Variants in NUP42 observed in about 807,000 individuals in gnomAD.
NUP42 encodes nucleoporin NUP42.
Under a neutral mutation model 35.9 loss-of-function variants are expected in NUP42, and 47 were observed. That is an observed-to-expected ratio of 1.31 (90% CI 1.04 to 1.67). NUP42 has a LOEUF of 1.67. Among genes scored for constraint, NUP42 ranks in the 40% most tolerant of loss-of-function variants. The pLI is 0.00. For synonymous variants in NUP42, 173 were observed against 173.3 expected, an observed-to-expected ratio of 1.00 and a Z score of 0.01; for missense variants, 514 against 492.2, an observed-to-expected ratio of 1.04 and a Z score of -0.42.
chr7:23,199,514 C>A lies in NUP42; in HGVS notation c.666C>A (p.Ser222Arg), dbSNP rs858238. The A allele has an allele frequency of 6.2e-7, 1 of 1,613,874 alleles. No homozygotes were observed. Among genetic ancestry groups the A allele is most frequent in the Non-Finnish European group, 8.5e-7 (1 of 1,179,926 alleles). ...CAGCACCTGCATTTGGATTTGGCAG[C>A]AGTCAAGCAGCAACATTTATGTCGC... ...NQAAPAFGFG[S>R]SQAATFMSPG... is the part of the protein sequence containing the mutation. Residue 222 changes from serine (S) to arginine (R), a missense_variant, in exon 6 of 7, where the codon AGC (serine) becomes AGA (arginine). Physicochemically the swap from Ser to Arg is moderately radical, Grantham distance 110 (BLOSUM62 -1). Transcript: ENST00000258742.
chr7:23,194,527 ATT>A (rs1785939947), intron 3 of NUP42: 1 of 152,482 alleles, frequency 6.6e-6, no homozygotes, highest in Admixed American at 6.6e-5. Context: ...CGCCGAGCTA[ATT>A]TTGGTATTTT....
intron 3 of NUP42, among the ~76,000 whole-genome samples, chr7:23,189,642 G>A (rs1468488451): frequency 6.6e-6 from 1 of 151,670 alleles, no homozygotes; most frequent in Non-Finnish European, 1.5e-5. Flanking sequence ...GCTGTGCACG[G>A]TGGCTCACAC....
intron 3 of NUP42, among the ~76,000 whole-genome samples, chr7:23,193,112 G>A (rs901325636): frequency 1.1e-4 from 17 of 151,784 alleles, no homozygotes; most frequent in African/African-American, 3.6e-4. Flanking sequence ...CAGTGGGTTC[G>A]TGGTCTCGCT....
chr7:23,193,995 C>G (rs909584269), intron 3 of NUP42, among the ~76,000 whole-genome samples: 1 of 152,238 alleles, frequency 6.6e-6, no homozygotes, highest in African/African-American at 2.4e-5. Context: ...TCTCATTGCC[C>G]GGCAGGGCCA....
chr7:23,199,409 G>C (rs757318718), intron 5 of NUP42, 49 bp from the exon 6 acceptor site: 1 of 1,409,980 alleles, frequency 7.1e-7, no homozygotes, highest in South Asian at 1.2e-5. Flanking sequence ...AAAGATACTG[G>C]AGCACTATTC....
intron 2 of NUP42, among the ~76,000 whole-genome samples, chr7:23,185,812 T>C (rs1384536877): frequency 6.6e-6 from 1 of 152,228 alleles, no homozygotes; most frequent in African/African-American, 2.4e-5. Context: ...CAATCTCGGC[T>C]CGCTGCAGCC....
intron 2 of NUP42, 23 bp from the exon 3 acceptor site, chr7:23,187,029 T>C: frequency 1.6e-6 from 2 of 1,274,548 alleles, no homozygotes; most frequent in African/African-American, 1.5e-5. Context: ...CCTTTACTCT[T>C]TTTTTTTTTT....
intron 3 of NUP42, among the ~76,000 whole-genome samples, chr7:23,191,997 T>A (rs1443913176): frequency 2.0e-5 from 3 of 152,124 alleles, no homozygotes; most frequent in African/African-American, 7.2e-5. Flanking sequence ...TTTAGAAAAC[T>A]TGGAAAGTAC....
intron 2 of NUP42, among the ~76,000 whole-genome samples, chr7:23,186,046 CTTAT>C (rs1392061047): frequency 6.6e-6 from 1 of 152,206 alleles, no homozygotes; most frequent in African/African-American, 2.4e-5. Context: ...AGCCACATAT[CTTAT>C]TTCTTTCTAA....
intron 1 of NUP42, among the ~76,000 whole-genome samples, chr7:23,183,678 G>A (rs1317147827): frequency 2.0e-5 from 3 of 149,168 alleles, no homozygotes; most frequent in Non-Finnish European, 1.5e-5. Context: ...AACAAAATTT[G>A]GCAGACAAAT....
intron 1 of NUP42, among the ~76,000 whole-genome samples, chr7:23,183,212 C>T (rs774464000): frequency 6.6e-5 from 10 of 152,078 alleles, no homozygotes; most frequent in Admixed American, 1.3e-4. Flanking sequence ...CCCTTCCTTC[C>T]CCTCCTTTAG....
In NUP42 at chr7:23,185,303, G is replaced by C; in HGVS notation, c.350+5G>C. 6.3e-7 allele frequency: 1 copy of C among 1,591,658 alleles called. No individual in the cohort carries two copies. Among genetic ancestry groups the C allele is most frequent in the Non-Finnish European group, 8.6e-7 (1 of 1,165,970 alleles). Reference sequence around the variant, plus strand: ...GAAAGATGAAAAGAAACTTCTGTAAGTGAAAGTTTTCAGGAAAATTACTAT... The same window carrying C: ...GAAAGATGAAAAGAAACTTCTGTAACTGAAAGTTTTCAGGAAAATTACTAT... On this transcript the variant is annotated splice_donor_5th_base_variant and intron_variant, in intron 2 of 6. Transcript: ENST00000258742.
At chr7:23,188,008 TTTTTA>T in intron 3 of NUP42, 2 of 1,050,920 alleles carry the variant, frequency 1.9e-6, no homozygotes, top group Non-Finnish European at 2.7e-6. Context: ...TTATTTTTTA[TTTTTA>T]TTTTTTTTTT....
intron 5 of NUP42, chr7:23,197,075 A>G: frequency 1.8e-6 from 1 of 544,970 alleles, no homozygotes. Flanking sequence ...ATCTGTATGT[A>G]AAAAGAAATT....
chr7:23,188,720 G>C (rs1182994608), intron 3 of NUP42: 1 of 265,902 alleles, frequency 3.8e-6, no homozygotes, highest in Non-Finnish European at 5.8e-6. Context: ...TATTTGCTAA[G>C]TCTGGCAACT....
chr7:23,199,289 C>G, intron 5 of NUP42, 169 bp from the exon 6 acceptor site: 1 of 567,968 alleles, frequency 1.8e-6, no homozygotes, highest in Non-Finnish European at 3.2e-6. Flanking sequence ...TAGGCTCAAG[C>G]CCTTCACCCT....
At chr7:23,196,070 T>A in intron 4 of NUP42, 155 bp downstream of exon 4, 1 of 384,104 alleles carries the variant, frequency 2.6e-6, no homozygotes, top group Non-Finnish European at 4.6e-6. Flanking sequence ...TCATTGAATT[T>A]GGTTGGTTAT....
Position 23,196,775 on chromosome 7 carries a change from G to C in NUP42, c.609+9G>C. 6.4e-7 allele frequency: 1 copy of C among 1,563,386 alleles called. No individual in the cohort carries two copies. Among genetic ancestry groups the C allele is most frequent in the Non-Finnish European group, 8.8e-7 (1 of 1,134,860 alleles). ...CAACTAAAGTAGCTTTGGTGAGTAT[G>C]GGAGAGTTTTCTTGAGGGAAGTGTC... On this transcript the variant is annotated intron_variant, in intron 5 of 6. Transcript: ENST00000258742.
rs1785426534 is a variant in NUP42, at chr7:23,182,160, T to C, written c.75T>C (p.Ala25=). The C allele has an allele frequency of 1.2e-6, 2 of 1,605,128 alleles. No homozygotes were observed. The highest frequency in any genetic ancestry group is 2.7e-5 in the African/African-American group (2 of 74,886). ...GDRCWNEHPG[A]RGAGGGRQQP... ...GGTGCTGGAACGAACATCCCGGTGC[T>C]AGGGGTGCAGGAGGAGGACGGCAGC... Residue 25 remains alanine (A), a synonymous_variant, in exon 1 of 7, where the codon GCT becomes GCC. Coordinates refer to ENST00000258742, the MANE Select transcript of NUP42 (RefSeq NM_007342.3).
Sources: gnomAD v4.1 joint callset for allele counts (sites outside exome capture counted in the v4.1 genomes callset) on GRCh38, gnomAD v4.1.1 for gene constraint, MANE v1.5 for transcripts, NCBI Gene and HGNC (gene_info 2026-07-23, HGNC 2026-07-21) for gene names.